Variants in SDCCAG8 observed in about 807,000 individuals in gnomAD.
SDCCAG8 encodes serologically defined colon cancer antigen 8.
In SDCCAG8, 74 loss-of-function variants were observed where a neutral mutation model predicts 101.8. The observed-to-expected ratio is 0.73, with a 90% CI of 0.60 to 0.88. SDCCAG8 has a LOEUF of 0.88. SDCCAG8 is among the 40% of genes least tolerant of loss of function. The probability of loss-of-function intolerance (pLI) is 0.00; values close to 1 mark genes in which losing one functional copy is unlikely to be tolerated. For missense variants in SDCCAG8, 787 were observed against 822.6 expected, an observed-to-expected ratio of 0.96 and a Z score of 0.53; for synonymous variants, 281 against 292.9, an observed-to-expected ratio of 0.96 and a Z score of 0.41.
chr1:243,385,226 C>CA (rs1036111456), intron 13 of SDCCAG8, among the ~76,000 whole-genome samples: 1 of 151,740 alleles, frequency 6.6e-6, no homozygotes, highest in African/African-American at 2.4e-5. Context: ...CCCATCTCCA[C>CA]AAAAAATACA....
chr1:243,308,560 A>G (rs2072397654), intron 8 of SDCCAG8, among the ~76,000 whole-genome samples: 1 of 152,150 alleles, frequency 6.6e-6, no homozygotes. Context: ...GTTTTGCCAT[A>G]TCTTGGATTT....
Position 243,489,112 on chromosome 1 carries a change from C to T in SDCCAG8, c.2084C>T (p.Ser695Leu), listed in dbSNP as rs746212924. ...CTTCTCCTGGAGAGGCAGAGCCTGT[C>T]GGAAGAGGTGGACCGGCTGCGGACC... The part of the protein sequence containing the change: ...NQLLLERQSL[S>L]EEVDRLRTQL... Residue 695 changes from serine to leucine, a missense_variant, in exon 17 of 18, where the codon TCG becomes TTG. Ser to Leu is a moderately radical substitution (Grantham distance 145). Transcript: ENST00000366541. The T allele has an allele frequency of 6.2e-7, 1 of 1,612,968 alleles. No individual in the cohort carries two copies. The highest frequency in any genetic ancestry group is 8.5e-7 in the Non-Finnish European group (1 of 1,179,976).
chr1:243,432,115 G>T (rs1158801129), intron 16 of SDCCAG8, among the ~76,000 whole-genome samples: 1 of 152,058 alleles, frequency 6.6e-6, no homozygotes, highest in Non-Finnish European at 1.5e-5. Flanking sequence ...TATCTAATTT[G>T]ACATTTTAAT....
intron 9 of SDCCAG8, among the ~76,000 whole-genome samples, chr1:243,327,250 T>A (rs1026620106): frequency 1.3e-5 from 2 of 151,118 alleles, no homozygotes; most frequent in African/African-American, 4.8e-5. Context: ...TTTATAGCAT[T>A]CAGTTACTAT....
chr1:243,483,247 G>T (rs1297786623), intron 16 of SDCCAG8, among the ~76,000 whole-genome samples: 1 of 152,070 alleles, frequency 6.6e-6, no homozygotes, highest in Non-Finnish European at 1.5e-5. Context: ...CGCGCCCCCT[G>T]GGCTGGGCGG....
intron 7 of SDCCAG8, chr1:243,307,431 A>G: frequency 4.1e-6 from 4 of 981,898 alleles, no homozygotes; most frequent in Non-Finnish European, 4.8e-6. Context: ...TTGTCGTTAG[A>G]TAATTATCTA....
chr1:243,335,699 A>G (rs1469354163), intron 10 of SDCCAG8, among the ~76,000 whole-genome samples: 2 of 152,132 alleles, frequency 1.3e-5, no homozygotes. Context: ...TGTATATCGC[A>G]TGATGCTGAG....
Position 243,307,256 on chromosome 1 carries a change from C to T in SDCCAG8, c.741-733C>T, listed in dbSNP as rs547988918. ...ATAAAGTAAAAACAAACAAAAACTA[C>T]ACCCACACCCACACCACCCCCACCC... On this transcript the variant is annotated intron_variant, in intron 7 of 17. Transcript: ENST00000366541. 2.4e-5 allele frequency: 7 copies of T among 295,802 alleles called. No individual in the cohort carries two copies. The South Asian group carries it at 7.9e-4, about 33-fold the overall frequency. 18.3% of individuals were successfully genotyped at this position (295,802 alleles called of 1,614,324 possible). A position where few individuals can be genotyped will look rare whatever the true frequency, so the allele number is the denominator to read the frequency against.
chr1:243,499,797 C>A lies in SDCCAG8; in HGVS notation c.*12C>A, dbSNP rs534167122. On this transcript the variant is annotated 3_prime_UTR_variant, in exon 18 of 18. Coordinates refer to ENST00000366541, the MANE Select transcript of SDCCAG8 (RefSeq NM_006642.5). ...AATCTGATTGCTGACCTGGATGGAA[C>A]AGAGTGAAATAAATGATTTACAAAG... The A allele has an allele frequency of 2.1e-4, 346 of 1,611,460 alleles. No homozygotes were observed. In the African/African-American group the frequency reaches 3.6e-3, roughly 17 times the overall value.
intron 13 of SDCCAG8, among the ~76,000 whole-genome samples, chr1:243,401,277 T>G (rs1558416142): frequency 6.6e-6 from 1 of 152,242 alleles, no homozygotes; most frequent in African/African-American, 2.4e-5. Flanking sequence ...CTGGCTTATT[T>G]GTATTCCTCA....
intron 16 of SDCCAG8, chr1:243,475,888 C>T: frequency 1.0e-6 from 1 of 976,360 alleles, no homozygotes; most frequent in African/African-American, 1.7e-5. Flanking sequence ...TTTTGCAGCC[C>T]AAATATTAAA....
intron 12 of SDCCAG8, among the ~76,000 whole-genome samples, chr1:243,353,263 A>T (rs1401155052): frequency 6.6e-6 from 1 of 151,668 alleles, no homozygotes; most frequent in Non-Finnish European, 1.5e-5. Flanking sequence ...GGCTGAGGCA[A>T]GCAGATCACT....
At chr1:243,433,621 C>G (rs2081947764) in intron 16 of SDCCAG8, among the ~76,000 whole-genome samples, 1 of 152,252 alleles carries the variant, frequency 6.6e-6, no homozygotes, top group East Asian at 1.9e-4. Context: ...TTTAAGTCTC[C>G]TGTTCTCTCT....
At chr1:243,469,624 C>G (rs1660820104) in intron 16 of SDCCAG8, among the ~76,000 whole-genome samples, 2 of 152,100 alleles carry the variant, frequency 1.3e-5, no homozygotes, top group African/African-American at 4.8e-5. Context: ...GATGCCCCTG[C>G]CTGCATACTA....
chr1:243,417,551 G>A (rs1178721104), intron 14 of SDCCAG8, among the ~76,000 whole-genome samples: 1 of 152,164 alleles, frequency 6.6e-6, no homozygotes, highest in Non-Finnish European at 1.5e-5. Context: ...ATGAATTACA[G>A]TGTAGAAGAG....
rs143000089 is a variant in SDCCAG8, at chr1:243,466,360, G to A, written c.1986-22654G>A. 2.7e-3 allele frequency among the ~76,000 whole-genome samples: 408 copies of A among 152,292 alleles called. 2 individuals carry two copies. Among genetic ancestry groups the A allele is most frequent in the African/African-American group, 9.4e-3 (389 of 41,556 alleles). ...CACAGATTCCCATGGCTGGTAGGCT[G>A]GGCCTCATACCCTTTCCTACTTAAT... On this transcript the variant is annotated intron_variant, in intron 16 of 17. Coordinates refer to ENST00000366541, the MANE Select transcript of SDCCAG8 (RefSeq NM_006642.5).
rs1274766522 is a variant in SDCCAG8 at position 243,267,831 on chromosome 1, T to G, written c.68-2274T>G. ...CAATCAGTTATACAAGGGATACACT[T>G]GACATGCAGACAGCCCATCATTGAC... On this transcript the variant is annotated intron_variant, in intron 1 of 17. Transcript: ENST00000366541. 7.4e-5 allele frequency: 69 copies of G among 932,882 alleles called. No homozygotes were observed. The Admixed American group carries it at 1.2e-3, about 16-fold the overall frequency. The allele number at this position is 932,882 out of a possible 1,614,324, so 57.8% of individuals were successfully genotyped here.
At chr1:243,367,347 T>G (rs2077045540) in intron 12 of SDCCAG8, among the ~76,000 whole-genome samples, 1 of 152,198 alleles carries the variant, frequency 6.6e-6, no homozygotes, top group Non-Finnish European at 1.5e-5. Context: ...AACTCCAGGT[T>G]TATTTTTGAT....
chr1:243,344,645 A>G (rs1420217406), intron 12 of SDCCAG8, among the ~76,000 whole-genome samples: 1 of 152,238 alleles, frequency 6.6e-6, no homozygotes, highest in Admixed American at 6.5e-5. Flanking sequence ...TAAAATATAC[A>G]TACATAAAGT....
Sources: gnomAD v4.1 joint callset for allele counts (sites outside exome capture counted in the v4.1 genomes callset) on GRCh38, gnomAD v4.1.1 for gene constraint, MANE v1.5 for transcripts, NCBI Gene and HGNC (gene_info 2026-07-23, HGNC 2026-07-21) for gene names.